PPP1R12B: variants seen among roughly 807,000 people sequenced by gnomAD.
PPP1R12B encodes protein phosphatase 1 regulatory subunit 12B.
A neutral mutation model predicts 126.1 loss-of-function variants in PPP1R12B; 76 were observed. The observed-to-expected ratio is 0.60, with a 90% CI of 0.50 to 0.73. The LOEUF is 0.73. PPP1R12B is among the 30% of genes least tolerant of loss of function. The pLI is 0.00. For missense variants in PPP1R12B, 1,052 were observed against 1,205.1 expected, an observed-to-expected ratio of 0.87 and a Z score of 1.88; for synonymous variants, 356 against 434.7, an observed-to-expected ratio of 0.82 and a Z score of 2.25.
chr1:202,525,612 CTTT>C (rs71142537), intron 18 of PPP1R12B, among the ~76,000 whole-genome samples: 1 of 120,302 alleles, frequency 8.3e-6, no homozygotes, highest in African/African-American at 3.2e-5. Context: ...TTTTTTTTTT[CTTT>C]TTTTTTTTTT....
intron 11 of PPP1R12B, among the ~76,000 whole-genome samples, chr1:202,441,253 C>T (rs775221240): frequency 4.6e-5 from 7 of 152,222 alleles, no homozygotes; most frequent in Admixed American, 3.3e-4. Flanking sequence ...AGTATTGCTG[C>T]ATCTCAGGGC....
chr1:202,349,236 C>G, intron 1 of PPP1R12B, 94 bp downstream of exon 1: 2 of 1,440,532 alleles, frequency 1.4e-6, no homozygotes, highest in Non-Finnish European at 1.9e-6. Context: ...GTGTTGCCGC[C>G]GACTCCTTCT....
Position 202,357,354 on chromosome 1 carries a change from T to G in PPP1R12B, c.291+8212T>G, listed in dbSNP as rs756208296. 5.9e-4 allele frequency among the ~76,000 whole-genome samples: 90 copies of G among 152,322 alleles called. 1 individual carries two copies. Among genetic ancestry groups the G allele is most frequent in the East Asian group, 3.9e-4 (2 of 5,188 alleles). The stretch of plus-strand genomic sequence containing the variant: ...AAAAAGACTGTTGGATTTGGTCATT[T>G]AAACTTTGAAAGAGCACTTTCAGTA... On this transcript the variant is annotated intron_variant, in intron 1 of 23. Coordinates refer to ENST00000608999, the MANE Select transcript of PPP1R12B (RefSeq NM_002481.4).
chr1:202,546,143 G>C (rs1366689188), intron 18 of PPP1R12B, among the ~76,000 whole-genome samples: 2 of 152,176 alleles, frequency 1.3e-5, no homozygotes, highest in East Asian at 3.8e-4. Context: ...GAAATGTTAA[G>C]GGCCTAGGCA....
In PPP1R12B at chr1:202,403,107, C is replaced by A. The variant is rs1666089704; in HGVS notation, c.292-13680C>A. ...AAAATAAGAAAGTAAAGGGGATGGGCAGGTAATACAAATTAATAAAGAAGG... is the reference window on the plus strand; with the variant it reads ...AAAATAAGAAAGTAAAGGGGATGGGAAGGTAATACAAATTAATAAAGAAGG... On this transcript the variant is annotated intron_variant, in intron 1 of 23. Transcript: ENST00000608999. 2.0e-5 allele frequency among the ~76,000 whole-genome samples: 3 copies of A among 152,118 alleles called. No homozygotes were observed. The South Asian group carries it at 6.2e-4, about 32-fold the overall frequency.
intron 1 of PPP1R12B, among the ~76,000 whole-genome samples, chr1:202,376,066 G>A (rs1284178730): frequency 6.6e-6 from 1 of 152,176 alleles, no homozygotes. Context: ...GCAGAGGAAG[G>A]GGGTGGTGGC....
At chr1:202,517,733 C>A (rs1682325181) in intron 18 of PPP1R12B, among the ~76,000 whole-genome samples, 2 of 151,674 alleles carry the variant, frequency 1.3e-5, no homozygotes, top group South Asian at 4.2e-4. Flanking sequence ...TTGAGCAGTT[C>A]TCCTGCCTCA....
Position 202,371,210 on chromosome 1 carries a change from A to G in PPP1R12B, c.291+22068A>G, listed in dbSNP as rs1660197695. On this transcript the variant is annotated intron_variant, in intron 1 of 23. Coordinates refer to ENST00000608999, the MANE Select transcript of PPP1R12B (RefSeq NM_002481.4). ...TTTTTTTTTTTTTTTTTGTAGAGAC[A>G]GAGTCCTGCTATGTTGCTCAGGCTG... 2.8e-5 allele frequency among the ~76,000 whole-genome samples: 4 copies of G among 141,340 alleles called. No homozygotes were observed. In the Admixed American group the frequency reaches 2.9e-4, roughly 10 times the overall value. 92.7% of individuals were successfully genotyped at this position (141,340 alleles called of 152,430 possible). A position where few individuals can be genotyped will look rare whatever the true frequency, so the allele number is the denominator to read the frequency against.
chr1:202,439,709 A>C, intron 10 of PPP1R12B: 1 of 593,050 alleles, frequency 1.7e-6, no homozygotes, highest in Admixed American at 2.8e-5. Context: ...GGGGTTGTGC[A>C]GCCCAGCCAG....
chr1:202,443,420 T>G (rs576102906), intron 12 of PPP1R12B, among the ~76,000 whole-genome samples: 94 of 152,360 alleles, frequency 6.2e-4, no homozygotes, highest in African/African-American at 2.1e-3. Context: ...GATGAACACA[T>G]TAACTCTTTG....
In PPP1R12B at chr1:202,362,203, C is replaced by T. The variant is rs893731380; in HGVS notation, c.291+13061C>T. Among the ~76,000 whole-genome samples, 4 of 151,852 alleles carry T rather than the reference C, an allele frequency of 2.6e-5. No homozygotes were observed. In the East Asian group the frequency reaches 7.7e-4, roughly 29 times the overall value. ...ATGCCAAAACAGATTGTGTTTGGGTCCTGTGGATGCAGCTTCACTGTTTTG... is the reference window on the plus strand; with the variant it reads ...ATGCCAAAACAGATTGTGTTTGGGTTCTGTGGATGCAGCTTCACTGTTTTG... On this transcript the variant is annotated intron_variant, in intron 1 of 23. Transcript: ENST00000608999.
chr1:202,559,090 T>G (rs1687258549), intron 19 of PPP1R12B, among the ~76,000 whole-genome samples, 197 bp downstream of exon 19: 1 of 152,230 alleles, frequency 6.6e-6, no homozygotes. Flanking sequence ...CAATTTACCT[T>G]CCTGCTTCCA....
At chr1:202,495,760 G>A (rs1679477110) in intron 17 of PPP1R12B, 78 bp downstream of exon 17, 1 of 1,246,550 alleles carries the variant, frequency 8.0e-7, no homozygotes, top group African/African-American at 1.5e-5. Flanking sequence ...AAAAGAAAGA[G>A]TCCCGCATGG....
In PPP1R12B at chr1:202,427,914, C is replaced by T. The variant is rs528113580; in HGVS notation, c.846+730C>T. On this transcript the variant is annotated intron_variant, in intron 5 of 23. Coordinates refer to ENST00000608999, the MANE Select transcript of PPP1R12B (RefSeq NM_002481.4). ...ATCCGCCTGCCTCAGCCTCCCAAAA[C>T]GCTGGGATTACAGGCATGAGCCACC... Among the ~76,000 whole-genome samples, 1,304 of 152,010 alleles carry T rather than the reference C, an allele frequency of 8.6e-3. 10 individuals are homozygous for T. The highest frequency in any genetic ancestry group is 0.01 in the Non-Finnish European group (695 of 67,962).
chr1:202,490,599 C>T (rs1438600841), intron 14 of PPP1R12B, among the ~76,000 whole-genome samples: 1 of 152,140 alleles, frequency 6.6e-6, no homozygotes, highest in African/African-American at 2.4e-5. Context: ...CTTTCTTCCT[C>T]TTCCAAAACT....
chr1:202,364,511 T>G (rs1292693359), intron 1 of PPP1R12B, among the ~76,000 whole-genome samples: 1 of 152,134 alleles, frequency 6.6e-6, no homozygotes, highest in Non-Finnish European at 1.5e-5. Context: ...ACTACAGCCT[T>G]GACTTCCTGG....
intron 14 of PPP1R12B, among the ~76,000 whole-genome samples, chr1:202,491,740 G>C (rs1042455668): frequency 2.0e-5 from 3 of 152,126 alleles, no homozygotes; most frequent in Non-Finnish European, 4.4e-5. Context: ...GAGAGGGAGT[G>C]AAGGTCCATG....
chr1:202,493,103 TA>T lies in PPP1R12B; in HGVS notation c.1942-10del, dbSNP rs752740781. 2 of 1,610,720 alleles carry T rather than the reference TA, an allele frequency of 1.2e-6. No homozygotes were observed. Among genetic ancestry groups the T allele is most frequent in the South Asian group, 2.2e-5 (2 of 90,958 alleles). On this transcript the variant is annotated splice_polypyrimidine_tract_variant and intron_variant, in intron 14 of 23. Coordinates refer to ENST00000608999, the MANE Select transcript of PPP1R12B (RefSeq NM_002481.4). Reference sequence around the variant, plus strand: ...GTGTGAAACAGCCCTGATCTTGTGATATTTTCCCAGGGTGTCACCCTAACAG... The same window carrying T: ...GTGTGAAACAGCCCTGATCTTGTGATTTTTCCCAGGGTGTCACCCTAACAG...
chr1:202,472,741 A>C (rs1017334706), intron 13 of PPP1R12B, among the ~76,000 whole-genome samples: 5 of 152,238 alleles, frequency 3.3e-5, no homozygotes, highest in African/African-American at 1.2e-4. Flanking sequence ...TTGGTGATAA[A>C]TAACTTAGTG....
Sources: allele counts gnomAD v4.1 joint callset (sites outside exome capture counted in the v4.1 genomes callset), GRCh38; gene constraint gnomAD v4.1.1; transcripts MANE v1.5; gene names NCBI Gene and HGNC (gene_info 2026-07-23, HGNC 2026-07-21).